Variants in KITLG observed in about 807,000 individuals in gnomAD.
KITLG encodes the protein KIT ligand.
A neutral mutation model predicts 34.1 loss-of-function variants in KITLG; 13 were observed. That is an observed-to-expected ratio of 0.38 (90% CI 0.25 to 0.61). The LOEUF is 0.61. Among genes scored for constraint, KITLG ranks in the 20% least tolerant of loss-of-function variants. KITLG has a pLI of 0.60. For synonymous variants in KITLG, 110 were observed against 104.0 expected, an observed-to-expected ratio of 1.06 and a Z score of -0.35; for missense variants, 292 against 318.9, an observed-to-expected ratio of 0.92 and a Z score of 0.64.
intron 1 of KITLG, among the ~76,000 whole-genome samples, chr12:88,569,317 G>T (rs892128002): frequency 6.6e-6 from 1 of 151,976 alleles, no homozygotes; most frequent in South Asian, 2.1e-4. Flanking sequence ...TTCAGTTTTT[G>T]TTTTAAAAAA....
chr12:88,494,528 T>C lies in KITLG; in HGVS notation c.*2691A>G, dbSNP rs1241367214. ...GAATAGGCTACTTGTTCTATTATTG[T>C]ATTGAAGAAAAATTAATTTTTCTCT... On this transcript the variant is annotated 3_prime_UTR_variant, in exon 10 of 10. Coordinates refer to ENST00000644744, the MANE Select transcript of KITLG (RefSeq NM_000899.5). The C allele has an allele frequency of 1.3e-5, 2 of 152,458 alleles. No homozygotes were observed. Among genetic ancestry groups the C allele is most frequent in the Non-Finnish European group, 2.9e-5 (2 of 67,926 alleles). The allele number at this position is 152,458 out of a possible 1,614,324, so 9.4% of individuals were successfully genotyped here.
chr12:88,513,699 A>G (rs1053407059), intron 6 of KITLG, among the ~76,000 whole-genome samples: 2 of 151,734 alleles, frequency 1.3e-5, no homozygotes, highest in African/African-American at 4.8e-5. Flanking sequence ...TAAAAGGTCA[A>G]TTAAACAGGG....
At chr12:88,508,556 C>CGTGTGT (rs139771009) in intron 6 of KITLG, among the ~76,000 whole-genome samples, 1,502 of 147,658 alleles carry the variant, frequency 0.01, 31 homozygotes, top group African/African-American at 0.035. Context: ...TGTGTGCTCA[C>CGTGTGT]GTGTGTGTGT....
chr12:88,507,277 T>C, intron 6 of KITLG, 140 bp from the exon 7 acceptor site: 1 of 625,494 alleles, frequency 1.6e-6, no homozygotes, highest in East Asian at 2.8e-5. Context: ...TTGATTTTTC[T>C]GCTGAATATT....
At chr12:88,555,503 T>G (rs913304536) in intron 1 of KITLG, among the ~76,000 whole-genome samples, 1 of 152,202 alleles carries the variant, frequency 6.6e-6, no homozygotes, top group Non-Finnish European at 1.5e-5. Context: ...AGTTAGATAA[T>G]AAAACTGACT....
chr12:88,539,995 G>C (rs1870466685), intron 2 of KITLG, among the ~76,000 whole-genome samples: 1 of 151,976 alleles, frequency 6.6e-6, no homozygotes. Context: ...TCTAAATAAA[G>C]ATAGATAACA....
rs1041300151 is a variant in KITLG, at chr12:88,514,331, T to C, written c.604+1203A>G. Reference sequence around the variant, plus strand: ...GGAAATAATAAAGATTAGAAATCAATGAAATATAAGCAGAGAATTTAAGAA... The same window carrying C: ...GGAAATAATAAAGATTAGAAATCAACGAAATATAAGCAGAGAATTTAAGAA... On this transcript the variant is annotated intron_variant, in intron 6 of 9. Transcript: ENST00000644744. Among the ~76,000 whole-genome samples the C allele has an allele frequency of 1.5e-4, 23 of 151,776 alleles. 1 individual carries two copies. Among genetic ancestry groups the C allele is most frequent in the Middle Eastern group, 6.8e-3 (2 of 294 alleles).
In KITLG at chr12:88,516,488, ATCCT is replaced by A. The variant is rs1429107116; in HGVS notation, c.364-2_365del. The A allele has an allele frequency of 1.3e-6, 2 of 1,593,670 alleles. No homozygotes were observed. The highest frequency in any genetic ancestry group is 1.7e-6 in the Non-Finnish European group (2 of 1,168,580). Reference sequence around the variant, plus strand: ...CTGGGCTCTTGAATGATTTTTTTAGATCCTAGAAGAAAAAATAGGATTACATTTT... The same window carrying A: ...CTGGGCTCTTGAATGATTTTTTTAGAAGAAGAAAAAATAGGATTACATTTT... On this transcript the variant is annotated splice_acceptor_variant and coding_sequence_variant, in exon 5 of 10. Transcript: ENST00000644744. LOFTEE classifies it high-confidence loss of function.
intron 6 of KITLG, among the ~76,000 whole-genome samples, chr12:88,510,008 A>G (rs1566019559): frequency 6.6e-6 from 1 of 152,172 alleles, no homozygotes; most frequent in African/African-American, 2.4e-5. Flanking sequence ...GAGGAAGCTC[A>G]TCTGGGCCGG....
At chr12:88,539,563 A>G (rs1390877011) in intron 2 of KITLG, among the ~76,000 whole-genome samples, 5 of 151,848 alleles carry the variant, frequency 3.3e-5, no homozygotes, top group Admixed American at 6.6e-5. Flanking sequence ...CTAACCAACC[A>G]GGTGTATTAC....
At chr12:88,572,848 G>A (rs1871701236) in intron 1 of KITLG, among the ~76,000 whole-genome samples, 1 of 152,052 alleles carries the variant, frequency 6.6e-6, no homozygotes, top group African/African-American at 2.4e-5. Context: ...CTGTGATAAT[G>A]TATCTTTCAA....
At chr12:88,532,819 G>A (rs1207874899) in intron 2 of KITLG, among the ~76,000 whole-genome samples, 1 of 152,014 alleles carries the variant, frequency 6.6e-6, no homozygotes, top group African/African-American at 2.4e-5. Flanking sequence ...TTCCCCTCAA[G>A]GACTATTTTC....
intron 9 of KITLG, among the ~76,000 whole-genome samples, chr12:88,500,588 CAT>C (rs1469285275): frequency 6.6e-6 from 1 of 152,186 alleles, no homozygotes; most frequent in African/African-American, 2.4e-5. Flanking sequence ...AACGTATTAA[CAT>C]AAAGTTTTTA....
At chr12:88,516,228 C>T in intron 5 of KITLG, 106 bp downstream of exon 5, 1 of 908,512 alleles carries the variant, frequency 1.1e-6, no homozygotes, top group Non-Finnish European at 1.8e-6. Flanking sequence ...ATTAGACGTA[C>T]ATGCATGTAT....
At chr12:88,574,283 G>T (rs1187224294) in intron 1 of KITLG, among the ~76,000 whole-genome samples, 2 of 102,444 alleles carry the variant, frequency 2.0e-5, no homozygotes, top group Admixed American at 2.5e-4. Context: ...GCTTCTGACT[G>T]CTAAAAGAAA....
chr12:88,554,991 A>G (rs1263075974), intron 1 of KITLG, among the ~76,000 whole-genome samples: 1 of 152,216 alleles, frequency 6.6e-6, no homozygotes, highest in African/African-American at 2.4e-5. Context: ...ATACTCTTCT[A>G]ACTTCCCTTT....
chr12:88,506,224 C>T (rs1287358923), intron 8 of KITLG, 87 bp downstream of exon 8: 4 of 912,902 alleles, frequency 4.4e-6, no homozygotes, highest in East Asian at 2.4e-5. Flanking sequence ...GAGTGAAGGA[C>T]TTCTTAAAGA....
At position 88,532,480 on chromosome 12, in the gene KITLG, G is replaced by A. The variant is rs1592570619; in HGVS notation, c.153C>T (p.Tyr51=). The A allele has an allele frequency of 1.2e-6, 2 of 1,609,466 alleles. No individual in the cohort carries two copies. Among genetic ancestry groups the A allele is most frequent in the East Asian group, 4.5e-5 (2 of 44,762 alleles). Residue 51 remains tyrosine, a synonymous_variant, in exon 3 of 10, where the codon TAC becomes TAT. Coordinates refer to ENST00000644744, the MANE Select transcript of KITLG (RefSeq NM_000899.5). ...TKLVANLPKD[Y]MITLKYVPGM... The stretch of plus-strand genomic sequence containing the variant: ...CGGGGACATATTTGAGGGTTATCAT[G>A]TAGTCTTTTGGAAGATTTGCCACCT...
intron 2 of KITLG, among the ~76,000 whole-genome samples, chr12:88,535,930 C>T (rs1870300800): frequency 6.6e-6 from 1 of 152,076 alleles, no homozygotes; most frequent in Non-Finnish European, 1.5e-5. Flanking sequence ...AAATGTAAGG[C>T]CCCACACTGT....
Sources: allele counts gnomAD v4.1 joint callset (sites outside exome capture counted in the v4.1 genomes callset), GRCh38; gene constraint gnomAD v4.1.1; transcripts MANE v1.5; gene names NCBI Gene and HGNC (gene_info 2026-07-23, HGNC 2026-07-21).